Variants in GRIA4 observed in about 807,000 individuals in gnomAD.
GRIA4 encodes the protein glutamate ionotropic receptor AMPA type subunit 4, also known as glutamate receptor 4.
GRIA4 carries 34 observed loss-of-function variants against 104.0 expected under a neutral mutation model. The observed-to-expected ratio is 0.33, with a 90% CI of 0.25 to 0.44. The LOEUF is 0.44. GRIA4 is among the 20% of genes least tolerant of loss of function. The probability of loss-of-function intolerance (pLI) is 1.00; values close to 1 mark genes in which losing one functional copy is unlikely to be tolerated. For synonymous variants in GRIA4, 386 were observed against 381.9 expected, an observed-to-expected ratio of 1.01 and a Z score of -0.13; for missense variants, 750 against 1,096.5, an observed-to-expected ratio of 0.68 and a Z score of 4.46.
intron 3 of GRIA4, among the ~76,000 whole-genome samples, chr11:105,635,271 T>C (rs1951174196): frequency 6.6e-6 from 1 of 152,040 alleles, no homozygotes; most frequent in Non-Finnish European, 1.5e-5. Flanking sequence ...AAGAGTAAAA[T>C]AAAATGTCAG....
At chr11:105,678,250 G>A (rs373724587) in intron 3 of GRIA4, among the ~76,000 whole-genome samples, 45 of 152,096 alleles carry the variant, frequency 3.0e-4, no homozygotes, top group East Asian at 1.9e-3. Flanking sequence ...CAAAGTTGAC[G>A]TGGGGGCCCA....
intron 11 of GRIA4, among the ~76,000 whole-genome samples, chr11:105,920,060 T>G (rs1947516752): frequency 6.6e-6 from 1 of 152,156 alleles, no homozygotes; most frequent in Non-Finnish European, 1.5e-5. Context: ...TCTTGCCTTT[T>G]AGACCATGAA....
intron 6 of GRIA4, among the ~76,000 whole-genome samples, chr11:105,896,952 G>A (rs890546677): frequency 3.9e-5 from 6 of 152,090 alleles, no homozygotes; most frequent in African/African-American, 1.4e-4. Flanking sequence ...AAGAAATAAT[G>A]TTGGTAATTT....
At chr11:105,928,363 G>C (rs769961990) in intron 13 of GRIA4, among the ~76,000 whole-genome samples, 2 of 151,952 alleles carry the variant, frequency 1.3e-5, no homozygotes, top group East Asian at 1.9e-4. Flanking sequence ...TCTTAAAACT[G>C]TAAGTAATAT....
chr11:105,974,894 A>C (rs1858898850), intron 16 of GRIA4: 1 of 188,784 alleles, frequency 5.3e-6, no homozygotes, highest in African/African-American at 2.3e-5. Context: ...CTTTTCTGTA[A>C]CAGTTCAATT....
intron 4 of GRIA4, among the ~76,000 whole-genome samples, chr11:105,855,716 T>C (rs1944985836): frequency 6.6e-6 from 1 of 152,130 alleles, no homozygotes; most frequent in Non-Finnish European, 1.5e-5. Flanking sequence ...AGATAAATAA[T>C]GATGGAGGCA....
At chr11:105,685,584 CT>C (rs962277304) in intron 3 of GRIA4, among the ~76,000 whole-genome samples, 4 of 151,982 alleles carry the variant, frequency 2.6e-5, no homozygotes, top group African/African-American at 7.3e-5. Flanking sequence ...AAACTAATTA[CT>C]TTAATTATAT....
intron 4 of GRIA4, among the ~76,000 whole-genome samples, chr11:105,832,034 G>A (rs1371615217): frequency 2.0e-5 from 3 of 151,968 alleles, no homozygotes; most frequent in African/African-American, 4.8e-5. Flanking sequence ...TTAGGTATGC[G>A]ATGGATAGTA....
At chr11:105,654,173 T>A (rs774154690) in intron 3 of GRIA4, among the ~76,000 whole-genome samples, 43 of 151,898 alleles carry the variant, frequency 2.8e-4, no homozygotes, top group Non-Finnish European at 5.4e-4. Flanking sequence ...AAGGTAATGG[T>A]TAGCAGAGGT....
intron 3 of GRIA4, among the ~76,000 whole-genome samples, chr11:105,713,396 C>A (rs779850741): frequency 4.9e-4 from 75 of 151,776 alleles, no homozygotes; most frequent in Non-Finnish European, 8.7e-4. Flanking sequence ...AAAAAAAATT[C>A]TGAAATTCTG....
intron 10 of GRIA4, chr11:105,913,357 T>TA: frequency 1.7e-6 from 1 of 572,490 alleles, no homozygotes; most frequent in Non-Finnish European, 2.2e-6. Flanking sequence ...TGATTTTCAT[T>TA]TTAATAATGA....
chr11:105,937,582 C>T (rs1209596586), intron 14 of GRIA4, among the ~76,000 whole-genome samples: 3 of 152,088 alleles, frequency 2.0e-5, no homozygotes, highest in Non-Finnish European at 4.4e-5. Context: ...TGAGTCATAT[C>T]TGAACACTTC....
intron 5 of GRIA4, among the ~76,000 whole-genome samples, chr11:105,872,566 C>T (rs577482755): frequency 6.6e-6 from 1 of 152,056 alleles, no homozygotes; most frequent in Non-Finnish European, 1.5e-5. Flanking sequence ...AAGTATTCCT[C>T]CCTAATGATA....
intron 14 of GRIA4, 146 bp from the exon 15 acceptor site, chr11:105,971,768 T>A (rs929403812): frequency 4.1e-6 from 2 of 481,998 alleles, no homozygotes; most frequent in East Asian, 3.5e-5. Context: ...GTTTTATGTC[T>A]GATTCTAAAC....
At position 105,757,126 on chromosome 11, in the gene GRIA4, T is replaced by G. The variant is rs78436406; in HGVS notation, c.487+3906T>G. ...ATCTCCTTTGGAGTCACTGCAACAT[T>G]TATTACTTGCCTTCATTAAACCAGA... On this transcript the variant is annotated intron_variant, in intron 4 of 16. Coordinates refer to ENST00000282499, the MANE Select transcript of GRIA4 (RefSeq NM_000829.4). Among the ~76,000 whole-genome samples the G allele has an allele frequency of 8.6e-3, 1,307 of 152,274 alleles. 9 individuals are homozygous for G. Among genetic ancestry groups the G allele is most frequent in the Non-Finnish European group, 0.015 (997 of 68,016 alleles).
In GRIA4 at chr11:105,910,457, A is replaced by C; in HGVS notation, c.1181A>C (p.Asp394Ala). The C allele has an allele frequency of 6.3e-7, 1 of 1,581,660 alleles. No homozygotes were observed. ...CAGGTTGGTTACTGGAATGATATGG[A>C]TAAGTTAGTCTTGATTCAAGATGTA... The part of the protein sequence containing the change: ...PRKVGYWNDM[D>A]KLVLIQDVPT... Residue 394 changes from aspartate (D) to alanine (A), a missense_variant, in exon 10 of 17, where the codon GAT becomes GCT. Around this residue, in one of 3 missense-constraint regions of GRIA4, gnomAD observed 410 missense variants for 502.7 expected, o/e 0.82. Transcript: ENST00000282499.
chr11:105,898,217 C>T (rs984812033), intron 6 of GRIA4, 52 bp from the exon 7 acceptor site: 6 of 862,518 alleles, frequency 7.0e-6, no homozygotes, highest in African/African-American at 5.1e-5. Context: ...TATTGAAGAG[C>T]TGCCATGTAT....
intron 3 of GRIA4, among the ~76,000 whole-genome samples, chr11:105,653,029 A>T (rs1951727394): frequency 1.3e-5 from 2 of 152,060 alleles, no homozygotes. Flanking sequence ...CTCCTGCCTC[A>T]GCCTCCCGAG....
chr11:105,926,615 C>T (rs1228734685), intron 12 of GRIA4, 126 bp from the exon 13 acceptor site: 1 of 657,960 alleles, frequency 1.5e-6, no homozygotes, highest in Non-Finnish European at 2.7e-6. Context: ...TGAGCAGACT[C>T]TCAGAAAATA....
Sources: allele counts gnomAD v4.1 joint callset (sites outside exome capture counted in the v4.1 genomes callset), GRCh38; gene constraint gnomAD v4.1.1; regional missense constraint gnomAD v4.1.1; transcripts MANE v1.5; gene names NCBI Gene and HGNC (gene_info 2026-07-23, HGNC 2026-07-21).